ROBO1: variants seen among roughly 807,000 people sequenced by gnomAD.
ROBO1 encodes the protein roundabout homolog 1.
In ROBO1, 149 loss-of-function variants were observed where a neutral mutation model predicts 195.9. That is an observed-to-expected ratio of 0.76 (90% confidence interval 0.67 to 0.87). The LOEUF (loss-of-function observed/expected upper bound fraction) is 0.87. Ranked by LOEUF, ROBO1 falls within the 40% of genes least tolerant of loss-of-function variation. The pLI is 0.00. For synonymous variants in ROBO1, 816 were observed against 733.2 expected, an observed-to-expected ratio of 1.11 and a Z score of -1.82; for missense variants, 1,933 against 2,068.3, an observed-to-expected ratio of 0.93 and a Z score of 1.27.
At position 78,866,254 on chromosome 3, in the gene ROBO1, C is replaced by A. The variant is rs182267182; in HGVS notation, c.499+72347G>T. 2.9e-3 allele frequency among the ~76,000 whole-genome samples: 443 copies of A among 152,212 alleles called. 3 individuals carry two copies. Among genetic ancestry groups the A allele is most frequent in the African/African-American group, 0.01 (422 of 41,544 alleles). On this transcript the variant is annotated intron_variant, in intron 4 of 30. Coordinates refer to ENST00000464233, the MANE Select transcript of ROBO1 (RefSeq NM_002941.4). ...AGATGAATAACAATCATTTGTCAAT[C>A]AAAAGCAATAGAGCATTTAGAAAAC...
chr3:79,738,652 T>C (rs1703493313), intron 1 of ROBO1, among the ~76,000 whole-genome samples: 1 of 152,170 alleles, frequency 6.6e-6, no homozygotes, highest in South Asian at 2.1e-4. Context: ...TATTATGCTG[T>C]TTTGAGTTAA....
intron 2 of ROBO1, among the ~76,000 whole-genome samples, chr3:79,345,090 C>T (rs1248812679): frequency 6.6e-6 from 1 of 152,008 alleles, no homozygotes; most frequent in African/African-American, 2.4e-5. Context: ...AAACGGACTA[C>T]ACAGAGGGAT....
intron 3 of ROBO1, among the ~76,000 whole-genome samples, chr3:79,063,708 T>A (rs2078959044): frequency 6.6e-6 from 1 of 151,844 alleles, no homozygotes; most frequent in African/African-American, 2.4e-5. Context: ...TCCAGAGAGT[T>A]GATTGTAAAA....
chr3:78,634,154 T>G, intron 23 of ROBO1, 112 bp from the exon 24 acceptor site: 1 of 638,306 alleles, frequency 1.6e-6, no homozygotes, highest in Non-Finnish European at 2.6e-6. Context: ...TTGGACCATT[T>G]ATTTGCCTTT....
At chr3:79,611,061 C>T (rs1044592099) in intron 1 of ROBO1, among the ~76,000 whole-genome samples, 4 of 151,912 alleles carry the variant, frequency 2.6e-5, no homozygotes, top group Non-Finnish European at 4.4e-5. Context: ...ACTCATACTC[C>T]CTACATGGTA....
intron 2 of ROBO1, among the ~76,000 whole-genome samples, chr3:79,502,449 G>A (rs902010647): frequency 6.6e-6 from 1 of 152,136 alleles, no homozygotes; most frequent in Non-Finnish European, 1.5e-5. Flanking sequence ...CCTCCCCGCG[G>A]GGCAGGGCTC....
chr3:78,920,624 G>GTTTTTTTTTTTTT lies in ROBO1; in HGVS notation c.499+17964_499+17976dup, dbSNP rs34364869. ...CCAGCCTTTCTTTTTCTTTCTTTCAGTTTTTTTTTTTTTTTTTTTTTTTTT... is the reference window on the plus strand; with the variant it reads ...CCAGCCTTTCTTTTTCTTTCTTTCAGTTTTTTTTTTTTTTTTTTTTTTTTTTTTTTTTTTTTTT... On this transcript the variant is annotated intron_variant, in intron 4 of 30. Transcript: ENST00000464233. 6.6e-5 allele frequency among the ~76,000 whole-genome samples: 4 copies of GTTTTTTTTTTTTT among 60,962 alleles called. 1 individual carries two copies. Among genetic ancestry groups the GTTTTTTTTTTTTT allele is most frequent in the African/African-American group, 3.0e-4 (4 of 13,462 alleles). 40.0% of individuals were successfully genotyped at this position (60,962 alleles called of 152,430 possible).
chr3:79,610,654 A>C (rs758436670), intron 1 of ROBO1, among the ~76,000 whole-genome samples: 9 of 152,008 alleles, frequency 5.9e-5, no homozygotes, highest in Non-Finnish European at 8.8e-5. Flanking sequence ...TCTGTGAGCA[A>C]GCCTTCAGAT....
chr3:78,707,553 T>C (rs1436023263), intron 8 of ROBO1, among the ~76,000 whole-genome samples: 1 of 152,212 alleles, frequency 6.6e-6, no homozygotes, highest in Non-Finnish European at 1.5e-5. Flanking sequence ...CTGTATTTTA[T>C]AGTTAAAAGA....
At chr3:78,955,540 T>C (rs1342843677) in intron 3 of ROBO1, among the ~76,000 whole-genome samples, 3 of 152,126 alleles carry the variant, frequency 2.0e-5, no homozygotes, top group African/African-American at 7.2e-5. Context: ...TATTTATGAG[T>C]TCTTTGTCTA....
intron 28 of ROBO1, chr3:78,607,274 G>A (rs191226848): frequency 5.1e-5 from 24 of 469,524 alleles, no homozygotes; most frequent in East Asian, 1.5e-4. Context: ...GTGCAGGTGC[G>A]CAGTCTCAGC....
At chr3:78,713,485 AGGAATTTT>A (rs2081818033) in intron 8 of ROBO1, among the ~76,000 whole-genome samples, 1 of 152,168 alleles carries the variant, frequency 6.6e-6, no homozygotes, top group African/African-American at 2.4e-5. Flanking sequence ...CTGTCAAAAC[AGGAATTTT>A]TTTTCCAACC....
intron 4 of ROBO1, among the ~76,000 whole-genome samples, chr3:78,885,430 A>C (rs1380478826): frequency 6.1e-5 from 9 of 148,464 alleles, no homozygotes; most frequent in African/African-American, 2.2e-4. Context: ...AAAAAAAAAA[A>C]AAAAAAAAAA....
intron 2 of ROBO1, among the ~76,000 whole-genome samples, chr3:79,430,028 G>A (rs2107018085): frequency 6.6e-6 from 1 of 150,640 alleles, no homozygotes; most frequent in Non-Finnish European, 1.5e-5. Context: ...TATTGTATTT[G>A]GTTTTCAAAT....
At chr3:78,642,529 C>G (rs1460886741) in intron 21 of ROBO1, among the ~76,000 whole-genome samples, 1 of 152,206 alleles carries the variant, frequency 6.6e-6, no homozygotes, top group African/African-American at 2.4e-5. Context: ...CTCCCACCAA[C>G]AGGGAATGTG....
At chr3:78,761,997 C>A (rs1021526519) in intron 4 of ROBO1, among the ~76,000 whole-genome samples, 3 of 151,856 alleles carry the variant, frequency 2.0e-5, no homozygotes, top group Non-Finnish European at 4.4e-5. Flanking sequence ...CATTTGATCT[C>A]AAAAAAGTCC....
At chr3:79,135,047 AC>A (rs1173953317) in intron 2 of ROBO1, among the ~76,000 whole-genome samples, 3 of 72,096 alleles carry the variant, frequency 4.2e-5, no homozygotes, top group South Asian at 4.6e-4. Flanking sequence ...ATAAAAAAAA[AC>A]ATTAAAAAAA....
intron 2 of ROBO1, among the ~76,000 whole-genome samples, chr3:79,361,295 T>C (rs746846428): frequency 2.6e-5 from 4 of 152,200 alleles, no homozygotes; most frequent in Non-Finnish European, 5.9e-5. Context: ...AAAATTAACT[T>C]TTTATTTAAA....
Position 78,627,571 on chromosome 3 carries a change from TA to T in ROBO1, c.3627-3del, listed in dbSNP as rs1327738359. On this transcript the variant is annotated splice_region_variant and splice_polypyrimidine_tract_variant and intron_variant, in intron 25 of 30. Transcript: ENST00000464233. Reference sequence around the variant, plus strand: ...GGACATGGCATTTCTTGGTCATAGCTAAAATAAATGATAAGGATGTGTAGAC... The same window carrying T: ...GGACATGGCATTTCTTGGTCATAGCTAAATAAATGATAAGGATGTGTAGAC... 1 of 1,607,620 alleles carries T rather than the reference TA, an allele frequency of 6.2e-7. No individual in the cohort carries two copies. The highest frequency in any genetic ancestry group is 8.5e-7 in the Non-Finnish European group (1 of 1,176,752).
Sources: allele counts gnomAD v4.1 joint callset (sites outside exome capture counted in the v4.1 genomes callset), GRCh38; gene constraint gnomAD v4.1.1; transcripts MANE v1.5; gene names NCBI Gene and HGNC (gene_info 2026-07-23, HGNC 2026-07-21).